The following ZNF518B variants were observed in gnomAD, a reference collection of about 807,000 sequenced individuals.
ZNF518B encodes the protein zinc finger protein 518B.
A neutral mutation model predicts 56.3 loss-of-function variants in ZNF518B; 23 were observed. The observed-to-expected ratio is 0.41, with a 90% confidence interval of 0.29 to 0.58. The LOEUF (loss-of-function observed/expected upper bound fraction) is 0.58, where lower values mean the gene tolerates loss of function less well. Among genes scored for constraint, ZNF518B ranks in the 20% least tolerant of loss-of-function variants. ZNF518B has a pLI of 0.32. For synonymous variants in ZNF518B, 529 were observed against 465.9 expected (o/e 1.14, Z -1.74); for missense variants, 1,460 against 1,272.1 (o/e 1.15, Z -2.25).
chr4:10,445,563 A>C lies in ZNF518B; in HGVS notation c.766T>G (p.Trp256Gly). The change falls in exon 3 of 3, where the codon TGG (tryptophan) becomes GGG (glycine). Residue 256 changes from tryptophan to glycine, a missense_variant. By Grantham distance (184) the Trp-to-Gly change is radical. Coordinates refer to ENST00000326756, the MANE Select transcript of ZNF518B (RefSeq NM_053042.3). Reference protein sequence around the residue: ...SNPRTTFQNKWSDQLSGFSLH... With the variant: ...SNPRTTFQNKGSDQLSGFSLH... ...GAGAAACCTGACAGTTGGTCTGACC[A>C]CTTATTTTGAAATGTAGTCCGTGGA... The C allele has an allele frequency of 6.2e-7, 1 of 1,614,156 alleles. No homozygotes were observed. The highest frequency in any genetic ancestry group is 8.5e-7 in the Non-Finnish European group (1 of 1,180,028).
chr4:10,450,492 G>C (rs768078422), intron 2 of ZNF518B, among the ~76,000 whole-genome samples: 1 of 152,200 alleles, frequency 6.6e-6, no homozygotes, highest in Non-Finnish European at 1.5e-5. Context: ...CAGCCACATG[G>C]AAGAATGAAG....
In ZNF518B at chr4:10,446,202, G is replaced by A. The variant is rs1715043741; in HGVS notation, c.127C>T (p.Leu43Phe). Residue 43 changes from leucine to phenylalanine, a missense_variant, in exon 3 of 3, where the codon CTT (leucine) becomes TTT (phenylalanine). By Grantham distance (22) the Leu-to-Phe change is conservative. Coordinates refer to ENST00000326756, the MANE Select transcript of ZNF518B (RefSeq NM_053042.3). ...PRPNRQEAQT[L>F]LYQGSEAEAA... is the part of the protein sequence containing the mutation. ...TCTGCCTCTGAGCCTTGATACAAAAGGGTTTGTGCTTCTTGTCTATTTGGC... is the reference window on the plus strand; with the variant it reads ...TCTGCCTCTGAGCCTTGATACAAAAAGGTTTGTGCTTCTTGTCTATTTGGC... 17 of 1,614,194 alleles carry A rather than the reference G, an allele frequency of 1.1e-5. No individual in the cohort carries two copies. Among genetic ancestry groups the A allele is most frequent in the African/African-American group, 2.7e-5 (2 of 75,062 alleles).
chr4:10,440,135 A>C lies in ZNF518B; in HGVS notation c.*2969T>G, dbSNP rs996057599. ...AGATGGATTATATATAACATGTCCT[A>C]AAGAAAAAGGGATGGAGCTTGTGAG... On this transcript the variant is annotated 3_prime_UTR_variant, in exon 3 of 3. Coordinates refer to ENST00000326756, the MANE Select transcript of ZNF518B (RefSeq NM_053042.3). 2.0e-5 allele frequency: 3 copies of C among 152,434 alleles called. No homozygotes were observed. The highest frequency in any genetic ancestry group is 7.2e-5 in the African/African-American group (3 of 41,454). 9.4% of individuals were successfully genotyped at this position (152,434 alleles called of 1,614,324 possible).
rs1715465224 is a variant in ZNF518B, at chr4:10,454,889, CTT to C, written c.-298_-297del. The C allele has an allele frequency of 6.6e-6, 1 of 152,292 alleles. No homozygotes were observed. Among genetic ancestry groups the C allele is most frequent in the Non-Finnish European group, 1.5e-5 (1 of 68,088 alleles). 9.4% of individuals were successfully genotyped at this position (152,292 alleles called of 1,614,324 possible). A position where few individuals can be genotyped will look rare whatever the true frequency, so the allele number is the denominator to read the frequency against. ...CTCTTCCTTCTCTTTCAGGCCTTCT[CTT>C]CTCAGGCGTGGACTGCCATGAGTTT... On this transcript the variant is annotated 5_prime_UTR_variant, in exon 2 of 3. Transcript: ENST00000326756.
chr4:10,453,771 CAG>C (rs1715421093), intron 2 of ZNF518B: 1 of 152,144 alleles, frequency 6.6e-6, no homozygotes, highest in Admixed American at 6.5e-5. Flanking sequence ...GAAATGGATT[CAG>C]AGTTTAATAA....
chr4:10,441,471 C>T lies in ZNF518B; in HGVS notation c.*1633G>A, dbSNP rs1414583114. 2.0e-5 allele frequency: 3 copies of T among 149,534 alleles called. No individual in the cohort carries two copies. The highest frequency in any genetic ancestry group is 7.4e-5 in the African/African-American group (3 of 40,368). 9.3% of individuals were successfully genotyped at this position (149,534 alleles called of 1,614,324 possible). ...AAAAAAAAAAATCAAAGTCTCCAAT[C>T]GACTACCCAATAAACAATCACTGGT... On this transcript the variant is annotated 3_prime_UTR_variant, in exon 3 of 3. Coordinates refer to ENST00000326756, the MANE Select transcript of ZNF518B (RefSeq NM_053042.3).
At position 10,445,016 on chromosome 4, in the gene ZNF518B, T is replaced by A. The variant is rs371939394; in HGVS notation, c.1313A>T (p.Tyr438Phe). Residue 438 changes from tyrosine to phenylalanine, a missense_variant, in exon 3 of 3, where the codon TAT (tyrosine) becomes TTT (phenylalanine). Tyr to Phe is a conservative substitution (Grantham distance 22). Coordinates refer to ENST00000326756, the MANE Select transcript of ZNF518B (RefSeq NM_053042.3). The stretch of plus-strand genomic sequence containing the variant: ...ACTAGAATTTGGCATAATAAAATCA[T>A]AAGACCTTACCCATTTCACATTTTT... The part of the protein sequence containing the change: ...QLKNVKWVRS[Y>F]DFIMPNSSVH... The A allele has an allele frequency of 1.9e-6, 3 of 1,614,096 alleles. No homozygotes were observed. The African/African-American group carries it at 4.0e-5, about 22-fold the overall frequency.
rs200924594 is a variant in ZNF518B, at chr4:10,443,339, G to A, written c.2990C>T (p.Ala997Val). 8.2e-5 allele frequency: 133 copies of A among 1,614,026 alleles called. 1 individual carries two copies. Among genetic ancestry groups the A allele is most frequent in the Middle Eastern group, 1.6e-4 (1 of 6,084 alleles). Reference sequence around the variant, plus strand: ...CCTTTTAATTTGACTGGCTTCTTCCGCATTCTGGTAGGTCAGGCGTACATG... The same window carrying A: ...CCTTTTAATTTGACTGGCTTCTTCCACATTCTGGTAGGTCAGGCGTACATG... ...RHHVRLTYQNAEEASQIKRQM... is the reference protein window; with the variant it reads ...RHHVRLTYQNVEEASQIKRQM... Residue 997 changes from alanine (A) to valine (V), a missense_variant, in exon 3 of 3, where the codon GCG becomes GTG. Physicochemically the swap from Ala to Val is moderately conservative, Grantham distance 64 (BLOSUM62 0). Transcript: ENST00000326756.
Position 10,444,636 on chromosome 4 carries a change from CT to C in ZNF518B, c.1692del (p.Val565TrpfsTer22), listed in dbSNP as rs1210006545. On this transcript the variant is annotated frameshift_variant, in exon 3 of 3. Coordinates refer to ENST00000326756, the MANE Select transcript of ZNF518B (RefSeq NM_053042.3). LOFTEE classifies it high-confidence loss of function. ...TCCTGCTTCCTATTAGAGGAAACCACTTTTACAGGAATATTGACTTTACTTG... is the reference window on the plus strand; with the variant it reads ...TCCTGCTTCCTATTAGAGGAAACCACTTTACAGGAATATTGACTTTACTTG... ...ESTSKVNIPV[K>X]VVSSNRKQED... The C allele has an allele frequency of 6.2e-7, 1 of 1,614,208 alleles. No homozygotes were observed. The highest frequency in any genetic ancestry group is 1.1e-5 in the South Asian group (1 of 91,088).
At chr4:10,458,302 C>T (rs1175088891), upstream of ZNF518B, among the ~76,000 whole-genome samples, 1 of 152,078 alleles carries the variant, frequency 6.6e-6, no homozygotes, top group Non-Finnish European at 1.5e-5. Flanking sequence ...AGTACAGTTT[C>T]TTCGGGATGA....
Position 10,442,884 on chromosome 4 carries a change from T to C in ZNF518B, c.*220A>G. 3 of 506,674 alleles carry C rather than the reference T, an allele frequency of 5.9e-6. No individual in the cohort carries two copies. Among genetic ancestry groups the C allele is most frequent in the Non-Finnish European group, 6.9e-6 (2 of 288,444 alleles). The allele number at this position is 506,674 out of a possible 1,614,324, so 31.4% of individuals were successfully genotyped here. ...CAGGCTCTCTCCAGAAAAATGCATA[T>C]GTACCAATTTGCATGTACAATTTCA... On this transcript the variant is annotated 3_prime_UTR_variant, in exon 3 of 3. Coordinates refer to ENST00000326756, the MANE Select transcript of ZNF518B (RefSeq NM_053042.3).
rs1714873720 is a variant in ZNF518B, at chr4:10,444,501, G to A, written c.1828C>T (p.Gln610Ter). ...AATTCCAAAGGCTTATCCCCAGGCTGTTGAGATCTATCTTCTCCAGTTATG... is the reference window on the plus strand; with the variant it reads ...AATTCCAAAGGCTTATCCCCAGGCTATTGAGATCTATCTTCTCCAGTTATG... Reference protein sequence around the residue: ...INITGEDRSQQPGDKPLELKN... With the variant: ...INITGEDRSQ The change falls in exon 3 of 3, where the codon CAG (glutamine) becomes TAG (stop). Residue 610 changes from glutamine (Q) to a stop codon, truncating the protein, a stop_gained. Transcript: ENST00000326756. LOFTEE classifies it high-confidence loss of function. The A allele has an allele frequency of 6.2e-7, 1 of 1,614,146 alleles. No individual in the cohort carries two copies. The highest frequency in any genetic ancestry group is 8.5e-7 in the Non-Finnish European group (1 of 1,180,040).
rs191546540 is a variant in ZNF518B, at chr4:10,442,870, C to T, written c.*234G>A. ...TCTGTTCAGTTTCACAGGCTCTCTCCAGAAAAATGCATATGTACCAATTTG... is the reference window on the plus strand; with the variant it reads ...TCTGTTCAGTTTCACAGGCTCTCTCTAGAAAAATGCATATGTACCAATTTG... On this transcript the variant is annotated 3_prime_UTR_variant, in exon 3 of 3. Coordinates refer to ENST00000326756, the MANE Select transcript of ZNF518B (RefSeq NM_053042.3). 15 of 472,988 alleles carry T rather than the reference C, an allele frequency of 3.2e-5. No homozygotes were observed. In the Admixed American group the frequency reaches 5.6e-4, roughly 18 times the overall value. The allele number at this position is 472,988 out of a possible 1,614,324, so 29.3% of individuals were successfully genotyped here. A position where few individuals can be genotyped will look rare whatever the true frequency, so the allele number is the denominator to read the frequency against.
upstream of ZNF518B, among the ~76,000 whole-genome samples, chr4:10,460,845 T>TC: frequency 6.6e-6 from 1 of 152,230 alleles, no homozygotes; most frequent in Non-Finnish European, 1.5e-5. Context: ...GGCCAGGTCT[T>TC]TAACACCCAG....
chr4:10,454,480 C>T (rs1199121786), intron 2 of ZNF518B: 1 of 152,176 alleles, frequency 6.6e-6, no homozygotes, highest in Non-Finnish European at 1.5e-5. Flanking sequence ...AGTGAATGTT[C>T]TATCAATGAT....
chr4:10,456,929 G>A (rs1283290080), intron 1 of ZNF518B, among the ~76,000 whole-genome samples: 1 of 151,270 alleles, frequency 6.6e-6, no homozygotes, highest in Non-Finnish European at 1.5e-5. Flanking sequence ...GGCCCCGCGG[G>A]ACGCTGCCAC....
rs1714943208 is a variant in ZNF518B, at chr4:10,445,312, G to A, written c.1017C>T (p.Val339=). Residue 339 remains valine, a synonymous_variant, in exon 3 of 3, where the codon GTC becomes GTT. Transcript: ENST00000326756. Reference sequence around the variant, plus strand: ...TCAACTGGGCTAAACAGTTTGCAGGGACAACTAGTTCTGCTGGTGCAACAA... The same window carrying A: ...TCAACTGGGCTAAACAGTTTGCAGGAACAACTAGTTCTGCTGGTGCAACAA... ...LTVVAPAELV[V]PANCLAQLID... 3.1e-6 allele frequency: 5 copies of A among 1,614,024 alleles called. No individual in the cohort carries two copies. In the East Asian group the frequency reaches 6.7e-5, roughly 22 times the overall value.
rs755797619 is a variant in ZNF518B at position 10,443,451 on chromosome 4, T to G, written c.2878A>C (p.Met960Leu). The stretch of plus-strand genomic sequence containing the variant: ...CCTTTGTATTTATTTATTACCTTCA[T>G]CACATTGGTCACTTCTGGCGAGTCC... ...DVDSPEVTNVMKVINKYKGNV... is the reference protein window; with the variant it reads ...DVDSPEVTNVLKVINKYKGNV... The change falls in exon 3 of 3, where the codon ATG becomes CTG. Residue 960 changes from methionine to leucine, a missense_variant. Transcript: ENST00000326756. 1.2e-6 allele frequency: 2 copies of G among 1,614,196 alleles called. No homozygotes were observed. Among genetic ancestry groups the G allele is most frequent in the Non-Finnish European group, 1.7e-6 (2 of 1,180,030 alleles).
At chr4:10,451,225 G>A (rs1033805655) in intron 2 of ZNF518B, 12 of 152,144 alleles carry the variant, frequency 7.9e-5, no homozygotes, top group African/African-American at 2.9e-4. Flanking sequence ...CCACATCAGT[G>A]ACATTGAGGG....
Sources: gnomAD v4.1 joint callset for allele counts (sites outside exome capture counted in the v4.1 genomes callset) on GRCh38, gnomAD v4.1.1 for gene constraint, MANE v1.5 for transcripts, NCBI Gene and HGNC (gene_info 2026-07-23, HGNC 2026-07-21) for gene names.